Variants in TAFA1 observed in about 807,000 individuals in gnomAD.
TAFA1 encodes the protein TAFA chemokine like family member 1.
A neutral mutation model predicts 18.5 loss-of-function variants in TAFA1; 4 were observed. The observed-to-expected ratio is 0.22, with a 90% CI of 0.11 to 0.49. TAFA1 has a LOEUF of 0.49. Among genes scored for constraint, TAFA1 ranks in the 20% least tolerant of loss-of-function variants. TAFA1 has a pLI of 0.98. For missense variants in TAFA1, 147 were observed against 169.0 expected, an observed-to-expected ratio of 0.87 and a Z score of 0.72; for synonymous variants, 56 against 55.2, an observed-to-expected ratio of 1.01 and a Z score of -0.06.
chr3:68,254,948 G>A (rs766997237), intron 2 of TAFA1, among the ~76,000 whole-genome samples: 3 of 152,122 alleles, frequency 2.0e-5, no homozygotes, highest in Non-Finnish European at 4.4e-5. Context: ...ACTAGCTTTG[G>A]AAGTAGCAGC....
chr3:68,168,607 GAT>G (rs2066014069), intron 2 of TAFA1, among the ~76,000 whole-genome samples: 1 of 152,142 alleles, frequency 6.6e-6, no homozygotes, highest in Non-Finnish European at 1.5e-5. Flanking sequence ...TTATAATTGT[GAT>G]GAATGCATTC....
chr3:68,308,552 A>C (rs1402640834), intron 2 of TAFA1, among the ~76,000 whole-genome samples: 2 of 152,140 alleles, frequency 1.3e-5, no homozygotes, highest in Non-Finnish European at 1.5e-5. Context: ...CACTGGAGCC[A>C]CAAAAAAAAG....
At chr3:68,206,202 G>A (rs1235126179) in intron 2 of TAFA1, among the ~76,000 whole-genome samples, 1 of 151,792 alleles carries the variant, frequency 6.6e-6, no homozygotes, top group Non-Finnish European at 1.5e-5. Context: ...GATATATTAT[G>A]TGTTTATTAA....
intron 3 of TAFA1, among the ~76,000 whole-genome samples, chr3:68,422,875 G>T (rs1370964444): frequency 6.6e-6 from 1 of 151,836 alleles, no homozygotes; most frequent in Non-Finnish European, 1.5e-5. Context: ...GAAGTGGGGA[G>T]CATGCTACTC....
At chr3:68,336,262 C>T (rs973096464) in intron 2 of TAFA1, among the ~76,000 whole-genome samples, 7 of 152,198 alleles carry the variant, frequency 4.6e-5, no homozygotes, top group African/African-American at 7.2e-5. Flanking sequence ...TTTAAAGCCA[C>T]GGGAACTGGG....
chr3:68,317,920 G>T (rs1030520288), intron 2 of TAFA1, among the ~76,000 whole-genome samples: 1 of 152,090 alleles, frequency 6.6e-6, no homozygotes, highest in African/African-American at 2.4e-5. Context: ...CTGGGAGCCT[G>T]TAAATTATCC....
At chr3:68,337,236 G>A (rs1441851278) in intron 2 of TAFA1, among the ~76,000 whole-genome samples, 2 of 152,102 alleles carry the variant, frequency 1.3e-5, no homozygotes, top group Non-Finnish European at 2.9e-5. Flanking sequence ...TACAATCATG[G>A]CGAAGGCAGA....
chr3:68,478,971 A>T (rs1417636492), intron 3 of TAFA1, among the ~76,000 whole-genome samples: 2 of 150,380 alleles, frequency 1.3e-5, no homozygotes, highest in Non-Finnish European at 3.0e-5. Context: ...GCAGTGGCTC[A>T]TGCCTGTAAT....
chr3:68,502,514 C>A (rs1445752663), intron 3 of TAFA1, among the ~76,000 whole-genome samples: 1 of 152,030 alleles, frequency 6.6e-6, no homozygotes, highest in African/African-American at 2.4e-5. Context: ...TCTGGAAACA[C>A]AGATGAATGT....
intron 2 of TAFA1, among the ~76,000 whole-genome samples, chr3:68,260,262 C>A (rs1257821466): frequency 6.6e-6 from 1 of 152,104 alleles, no homozygotes; most frequent in Non-Finnish European, 1.5e-5. Context: ...GTATGTTGAA[C>A]CAGGCTTGCA....
At chr3:68,123,878 CAAAAAAAAAAAAAAAAAAAAAAAA>C (rs758966848) in intron 2 of TAFA1, among the ~76,000 whole-genome samples, 20 of 72,146 alleles carry the variant, frequency 2.8e-4, no homozygotes, top group East Asian at 2.6e-3. Flanking sequence ...CTTTTTTTTC[CAAAAAAAAAAAAAAAAAAAAAAAA>C]AAAAAAAAAA....
intron 2 of TAFA1, among the ~76,000 whole-genome samples, chr3:68,209,763 T>C (rs766471742): frequency 6.6e-6 from 1 of 152,048 alleles, no homozygotes; most frequent in Non-Finnish European, 1.5e-5. Flanking sequence ...TGCTGTTAAG[T>C]TAGGGAACTT....
At chr3:68,029,667 G>A (rs1032550363) in intron 2 of TAFA1, among the ~76,000 whole-genome samples, 95 of 152,170 alleles carry the variant, frequency 6.2e-4, no homozygotes, top group Non-Finnish European at 2.6e-4. Flanking sequence ...TTCAATTATA[G>A]CATATGAACT....
chr3:68,399,958 G>A (rs1178997665), intron 2 of TAFA1, among the ~76,000 whole-genome samples: 1 of 152,062 alleles, frequency 6.6e-6, no homozygotes, highest in Non-Finnish European at 1.5e-5. Context: ...GACTCACACA[G>A]GATCTCTCCA....
intron 2 of TAFA1, among the ~76,000 whole-genome samples, chr3:68,381,505 C>T (rs534294538): frequency 9.2e-5 from 14 of 152,208 alleles, no homozygotes; most frequent in South Asian, 4.2e-4. Context: ...AAGTTGGATT[C>T]GCAGGTATTT....
chr3:68,216,693 G>A (rs1224544708), intron 2 of TAFA1, among the ~76,000 whole-genome samples: 1 of 151,966 alleles, frequency 6.6e-6, no homozygotes, highest in Non-Finnish European at 1.5e-5. Context: ...AATGGGACAG[G>A]AAATACATAA....
rs113602135 is a variant in TAFA1, at chr3:68,198,514, C to T, written c.118+191770C>T. On this transcript the variant is annotated intron_variant, in intron 2 of 4. Coordinates refer to ENST00000478136, the MANE Select transcript of TAFA1 (RefSeq NM_213609.4). ...GCAATGGTTAAGAGTTCCTGTTGTT[C>T]CAAACATCCTCACCCAGCATTTAGT... Among the ~76,000 whole-genome samples the T allele has an allele frequency of 4.4e-3, 670 of 151,760 alleles. 5 individuals carry two copies. Among genetic ancestry groups the T allele is most frequent in the African/African-American group, 0.014 (594 of 41,502 alleles).
At chr3:68,495,292 A>G (rs181815934) in intron 3 of TAFA1, among the ~76,000 whole-genome samples, 15 of 152,358 alleles carry the variant, frequency 9.8e-5, no homozygotes, top group Admixed American at 2.0e-4. Flanking sequence ...GGAATGGAAT[A>G]CGAGTTGGAC....
chr3:68,471,520 G>T (rs558257640), intron 3 of TAFA1, among the ~76,000 whole-genome samples: 2 of 152,210 alleles, frequency 1.3e-5, no homozygotes, highest in Non-Finnish European at 2.9e-5. Flanking sequence ...TCTTGTATCA[G>T]CATGCCCTGG....
Sources: gnomAD v4.1 joint callset for allele counts (sites outside exome capture counted in the v4.1 genomes callset) on GRCh38, gnomAD v4.1.1 for gene constraint, MANE v1.5 for transcripts, NCBI Gene and HGNC (gene_info 2026-07-23, HGNC 2026-07-21) for gene names.